The following NFX1 variants were observed in gnomAD, a reference collection of about 807,000 sequenced individuals.
The protein encoded by NFX1 is nuclear transcription factor, X-box binding 1.
Under a neutral mutation model 137.2 loss-of-function variants are expected in NFX1, and 69 were observed. That is an observed-to-expected ratio of 0.50 (90% CI 0.41 to 0.61). NFX1 has a LOEUF of 0.61. Ranked by LOEUF, NFX1 falls within the 20% of genes least tolerant of loss-of-function variation. The pLI, the probability that NFX1 is intolerant of heterozygous loss-of-function variation, is 0.00. For missense variants in NFX1, 1,167 were observed against 1,391.0 expected (o/e 0.84, Z 2.56); for synonymous variants, 495 against 474.1 (o/e 1.04, Z -0.57).
At chr9:33,318,696 T>TA in intron 7 of NFX1, 35 bp from the exon 8 acceptor site, 2 of 1,569,022 alleles carry the variant, frequency 1.3e-6, no homozygotes, top group East Asian at 4.5e-5. Context: ...CCATACATGT[T>TA]ACTAACGTTT....
intron 2 of NFX1, among the ~76,000 whole-genome samples, chr9:33,297,922 G>A (rs1821416338): frequency 6.6e-6 from 1 of 152,112 alleles, no homozygotes; most frequent in African/African-American, 2.4e-5. Context: ...CAGGGAGGTG[G>A]GAATCTGGAA....
At chr9:33,335,594 G>A (rs922207567) in intron 11 of NFX1, among the ~76,000 whole-genome samples, 2 of 152,046 alleles carry the variant, frequency 1.3e-5, no homozygotes, top group Admixed American at 6.5e-5. Context: ...GACCAGGCTG[G>A]TCTTGAATGC....
intron 19 of NFX1, among the ~76,000 whole-genome samples, chr9:33,362,690 TG>T (rs1587880534): frequency 2.2e-5 from 3 of 137,482 alleles, no homozygotes; most frequent in Non-Finnish European, 3.1e-5. Flanking sequence ...TAAGTTCCTG[TG>T]GTTTTTTTTT....
chr9:33,299,798 ACACTC>A (rs1271871314), intron 2 of NFX1, among the ~76,000 whole-genome samples: 1 of 152,242 alleles, frequency 6.6e-6, no homozygotes, highest in African/African-American at 2.4e-5. Context: ...TGGAAATACT[ACACTC>A]AGCAAGGTAG....
At chr9:33,319,694 G>A (rs1038627821) in intron 9 of NFX1, among the ~76,000 whole-genome samples, 2 of 152,186 alleles carry the variant, frequency 1.3e-5, no homozygotes, top group African/African-American at 2.4e-5. Flanking sequence ...ATTTTTAATA[G>A]AGACGGGGTT....
At chr9:33,341,712 T>A (rs1823229143) in intron 12 of NFX1, among the ~76,000 whole-genome samples, 1 of 152,200 alleles carries the variant, frequency 6.6e-6, no homozygotes, top group African/African-American at 2.4e-5. Context: ...TGGATCTTGC[T>A]TGATCCAAGG....
At chr9:33,312,591 C>T (rs1822000944) in intron 6 of NFX1, among the ~76,000 whole-genome samples, 1 of 152,260 alleles carries the variant, frequency 6.6e-6, no homozygotes, top group Admixed American at 6.5e-5. Context: ...CTTTTTGCGG[C>T]TGGGCGCAGT....
At chr9:33,328,351 A>G (rs1304572020) in intron 9 of NFX1, among the ~76,000 whole-genome samples, 5 of 152,100 alleles carry the variant, frequency 3.3e-5, no homozygotes, top group Admixed American at 2.0e-4. Context: ...AAATCGTCGT[A>G]TACTTTAAAG....
intron 7 of NFX1, among the ~76,000 whole-genome samples, chr9:33,318,126 GAT>G (rs1822243506): frequency 6.6e-6 from 1 of 151,892 alleles, no homozygotes; most frequent in African/African-American, 2.4e-5. Context: ...TTAAAAATGT[GAT>G]GTTTTTATAA....
In NFX1 at chr9:33,319,040, C is replaced by CTA; in HGVS notation, c.1820_1821insAT (p.Gly608LeufsTer29). ...AACTCCTCTCAGCCAATTGCTAGAA[C>CTA]TTGGAAGTAGTAGTCGGAAAACATG... On this transcript the variant is annotated frameshift_variant, in exon 9 of 24. Transcript: ENST00000379540. LOFTEE classifies it high-confidence loss of function. The CTA allele has an allele frequency of 6.2e-7, 1 of 1,614,228 alleles. No homozygotes were observed. Among genetic ancestry groups the CTA allele is most frequent in the African/African-American group, 1.3e-5 (1 of 75,064 alleles).
chr9:33,313,446 A>G (rs983230466), intron 6 of NFX1, among the ~76,000 whole-genome samples: 10 of 151,952 alleles, frequency 6.6e-5, no homozygotes, highest in Non-Finnish European at 1.5e-4. Context: ...AAACAAAAAC[A>G]AAAACAGAAG....
chr9:33,331,589 TC>T (rs764147162), intron 10 of NFX1, among the ~76,000 whole-genome samples: 59 of 152,192 alleles, frequency 3.9e-4, no homozygotes, highest in Non-Finnish European at 6.6e-4. Context: ...CTTTTTCATA[TC>T]ATCAATCCCA....
intron 12 of NFX1, among the ~76,000 whole-genome samples, 154 bp downstream of exon 12, chr9:33,338,743 C>G (rs1464402083): frequency 6.6e-6 from 1 of 152,214 alleles, no homozygotes; most frequent in Admixed American, 6.5e-5. Flanking sequence ...CCCATAACCT[C>G]TCTGCAAAGA....
intron 9 of NFX1, among the ~76,000 whole-genome samples, chr9:33,325,896 A>G (rs1472880911): frequency 6.6e-6 from 1 of 152,226 alleles, no homozygotes; most frequent in Non-Finnish European, 1.5e-5. Context: ...CATAAAAGGC[A>G]GTATAAATGC....
chr9:33,338,962 T>A (rs746692969), intron 12 of NFX1, among the ~76,000 whole-genome samples: 11 of 152,210 alleles, frequency 7.2e-5, no homozygotes, highest in Non-Finnish European at 1.5e-4. Flanking sequence ...AGGTTTCATG[T>A]ACTGCTTAGG....
At chr9:33,354,711 AG>A in intron 18 of NFX1, 139 bp from the exon 19 acceptor site, 1 of 696,278 alleles carries the variant, frequency 1.4e-6, no homozygotes, top group Non-Finnish European at 2.3e-6. Flanking sequence ...GTGGCCTCAC[AG>A]GCTGCTTCCT....
intron 15 of NFX1, among the ~76,000 whole-genome samples, chr9:33,349,933 G>A (rs1240510099): frequency 6.6e-6 from 1 of 152,090 alleles, no homozygotes; most frequent in African/African-American, 2.4e-5. Context: ...CTTGAACTCA[G>A]GAGTTCAAGG....
intron 2 of NFX1, 105 bp downstream of exon 2, chr9:33,295,532 A>G: frequency 7.8e-7 from 1 of 1,288,272 alleles, no homozygotes; most frequent in African/African-American, 1.5e-5. Context: ...GGAAAGTTAC[A>G]CTGTAAAAAG....
intron 20 of NFX1, among the ~76,000 whole-genome samples, 185 bp downstream of exon 20, chr9:33,364,293 T>G (rs564013625): frequency 2.8e-4 from 43 of 152,296 alleles, no homozygotes; most frequent in African/African-American, 1.0e-3. Flanking sequence ...ACTGTCCCCT[T>G]AAAGAACTGA....
Sources: allele counts gnomAD v4.1 joint callset (sites outside exome capture counted in the v4.1 genomes callset), GRCh38; gene constraint gnomAD v4.1.1; transcripts MANE v1.5; gene names NCBI Gene and HGNC (gene_info 2026-07-23, HGNC 2026-07-21).